The following MAPKAPK5 variants were observed in gnomAD, a reference collection of about 807,000 sequenced individuals.
The protein encoded by MAPKAPK5 is MAP kinase-activated protein kinase 5.
Under a neutral mutation model 65.1 loss-of-function variants are expected in MAPKAPK5, and 30 were observed. The ratio of observed to expected loss-of-function variants is 0.46; its 90% CI spans 0.34 to 0.63. The LOEUF is 0.63. MAPKAPK5 is among the 20% of genes least tolerant of loss of function. The pLI, the probability that MAPKAPK5 is intolerant of heterozygous loss-of-function variation, is 0.01. For missense variants in MAPKAPK5, 433 were observed against 581.4 expected, an observed-to-expected ratio of 0.74 and a Z score of 2.63; for synonymous variants, 179 against 204.6, an observed-to-expected ratio of 0.87 and a Z score of 1.07.
At position 111,894,426 on chromosome 12, in the gene MAPKAPK5, A is replaced by T. The variant is rs1279426826; in HGVS notation, c.*1365A>T. On this transcript the variant is annotated 3_prime_UTR_variant, in exon 14 of 14. Transcript: ENST00000550735. ...CCCTGCAGCCTTCACCAGCTCCATTACTCCTTATTTCTGTTCCCTGTTCCT... is the reference window on the plus strand; with the variant it reads ...CCCTGCAGCCTTCACCAGCTCCATTTCTCCTTATTTCTGTTCCCTGTTCCT... 1 of 151,538 alleles carries T rather than the reference A, an allele frequency of 6.6e-6. No individual in the cohort carries two copies. The highest frequency in any genetic ancestry group is 1.5e-5 in the Non-Finnish European group (1 of 68,008). The allele number at this position is 151,538 out of a possible 1,614,324, so 9.4% of individuals were successfully genotyped here.
intron 1 of MAPKAPK5, among the ~76,000 whole-genome samples, chr12:111,851,126 A>T (rs908264701): frequency 3.3e-5 from 5 of 151,912 alleles, no homozygotes; most frequent in Non-Finnish European, 7.4e-5. Context: ...TTGAACTCCT[A>T]ACCTCAAGTG....
intron 8 of MAPKAPK5, among the ~76,000 whole-genome samples, chr12:111,881,137 G>GCACA (rs1396660944): frequency 6.7e-6 from 1 of 150,356 alleles, no homozygotes. Context: ...ACAGTGGTGT[G>GCACA]ATCTCAGCTC....
intron 8 of MAPKAPK5, 79 bp downstream of exon 8, chr12:111,880,606 T>G: frequency 1.6e-6 from 2 of 1,240,890 alleles, no homozygotes; most frequent in Non-Finnish European, 2.4e-6. Context: ...CCTCTGGGAG[T>G]GTGGCCAATT....
At chr12:111,873,722 T>C (rs1026694646) in intron 7 of MAPKAPK5, among the ~76,000 whole-genome samples, 2 of 152,244 alleles carry the variant, frequency 1.3e-5, no homozygotes, top group African/African-American at 4.8e-5. Flanking sequence ...GTTTAATATA[T>C]GTATGTGTCT....
At chr12:111,843,829 T>C (rs542429378) in intron 1 of MAPKAPK5, among the ~76,000 whole-genome samples, 12 of 152,342 alleles carry the variant, frequency 7.9e-5, no homozygotes, top group African/African-American at 2.9e-4. Context: ...TTGTTTGTTT[T>C]TGAGACGGAG....
rs1237584626 is a variant in MAPKAPK5, at chr12:111,853,371, C to CA, written c.36+10613dup. Among the ~76,000 whole-genome samples, 59 of 140,752 alleles carry CA rather than the reference C, an allele frequency of 4.2e-4. No homozygotes were observed. In the East Asian group the frequency reaches 4.5e-3, roughly 11 times the overall value. The allele number at this position is 140,752 out of a possible 152,430, so 92.3% of individuals were successfully genotyped here. On this transcript the variant is annotated intron_variant, in intron 1 of 13. Coordinates refer to ENST00000550735, the MANE Select transcript of MAPKAPK5 (RefSeq NM_003668.4). ...TGGGTGACAGAGCGAAACTTCGTCT[C>CA]AAAAAAAAAAAGAATGGAATTGTTT... is the stretch of plus-strand genomic sequence containing the variant.
chr12:111,843,194 A>C (rs1407044751), intron 1 of MAPKAPK5: 1 of 398,510 alleles, frequency 2.5e-6, no homozygotes, highest in Non-Finnish European at 4.4e-6. Flanking sequence ...GCCTTCTGGA[A>C]ATCTGCAGTT....
intron 7 of MAPKAPK5, 171 bp from the exon 8 acceptor site, chr12:111,880,276 C>T: frequency 1.7e-6 from 1 of 602,548 alleles, no homozygotes; most frequent in Non-Finnish European, 3.0e-6. Flanking sequence ...GGATAAATTA[C>T]TGGTTGTAAG....
intron 6 of MAPKAPK5, 56 bp downstream of exon 6, chr12:111,870,416 G>A: frequency 1.4e-6 from 2 of 1,445,686 alleles, no homozygotes; most frequent in African/African-American, 1.4e-5. Flanking sequence ...TAGTTCAGGA[G>A]TGGGTGTGTT....
chr12:111,891,664 G>A (rs921729643), intron 13 of MAPKAPK5, among the ~76,000 whole-genome samples: 1 of 146,006 alleles, frequency 6.8e-6, no homozygotes, highest in Admixed American at 6.9e-5. Context: ...AAAATTAGCC[G>A]GGCATGGTGG....
chr12:111,877,078 C>G (rs1195435889), intron 7 of MAPKAPK5, among the ~76,000 whole-genome samples: 5 of 113,518 alleles, frequency 4.4e-5, no homozygotes, highest in Admixed American at 4.1e-4. Flanking sequence ...AGTGCAGTAG[C>G]ACGATCTCGG....
chr12:111,843,065 C>T (rs2068777823), intron 1 of MAPKAPK5: 3 of 398,370 alleles, frequency 7.5e-6, no homozygotes, highest in African/African-American at 4.1e-5. Context: ...CGAAGAGAGC[C>T]CTACTACTAC....
chr12:111,889,981 C>T (rs2070549507), intron 12 of MAPKAPK5, 59 bp from the exon 13 acceptor site: 1 of 1,079,616 alleles, frequency 9.3e-7, no homozygotes, highest in South Asian at 1.3e-5. Context: ...CCATCTCTCA[C>T]ACTAAAACCC....
chr12:111,878,457 T>C (rs920466594), intron 7 of MAPKAPK5, among the ~76,000 whole-genome samples: 14 of 152,130 alleles, frequency 9.2e-5, no homozygotes, highest in African/African-American at 3.1e-4. Context: ...AGTCTCACTC[T>C]GTTGCCAAGT....
At chr12:111,856,944 T>A (rs1388323968) in intron 1 of MAPKAPK5, among the ~76,000 whole-genome samples, 3 of 152,218 alleles carry the variant, frequency 2.0e-5, no homozygotes, top group Non-Finnish European at 2.9e-5. Flanking sequence ...GTAAATTCTC[T>A]GTTGATTTTC....
At chr12:111,843,076 T>C (rs2068779446) in intron 1 of MAPKAPK5, 1 of 398,710 alleles carries the variant, frequency 2.5e-6, no homozygotes, top group East Asian at 3.6e-5. Context: ...CTACTACTAC[T>C]ACTACACGTT....
At position 111,897,713 on chromosome 12, in the gene MAPKAPK5, CTAA is replaced by C. The variant is rs2070870488; in HGVS notation, c.*4654_*4656del. On this transcript the variant is annotated 3_prime_UTR_variant, in exon 14 of 14. Transcript: ENST00000550735. ...ACAGTATAAATTTTCTTGCTAGATG[CTAA>C]TGATACATTGTATTATCTGTATTAG... 1 of 151,956 alleles carries C rather than the reference CTAA, an allele frequency of 6.6e-6. No homozygotes were observed. The highest frequency in any genetic ancestry group is 2.4e-5 in the African/African-American group (1 of 41,372). The allele number at this position is 151,956 out of a possible 1,614,324, so 9.4% of individuals were successfully genotyped here.
At chr12:111,859,653 T>TTTTCTTTTC (rs10686518) in intron 1 of MAPKAPK5, among the ~76,000 whole-genome samples, 230 of 142,906 alleles carry the variant, frequency 1.6e-3, no homozygotes, top group Middle Eastern at 3.6e-3. Flanking sequence ...TTTGCTTTTC[T>TTTTCTTTTC]TTTTTTTTTT....
intron 1 of MAPKAPK5, among the ~76,000 whole-genome samples, chr12:111,854,944 T>G (rs1482889634): frequency 6.9e-6 from 1 of 145,234 alleles, no homozygotes; most frequent in Non-Finnish European, 1.5e-5. Flanking sequence ...CAGTTATTAA[T>G]TCAGTTTTTT....
Sources: gnomAD v4.1 joint callset for allele counts (sites outside exome capture counted in the v4.1 genomes callset) on GRCh38, gnomAD v4.1.1 for gene constraint, MANE v1.5 for transcripts, NCBI Gene and HGNC (gene_info 2026-07-23, HGNC 2026-07-21) for gene names.